The following KIRREL3 variants were observed in gnomAD, a reference collection of about 807,000 sequenced individuals.
The protein encoded by KIRREL3 is kin of IRRE-like protein 3.
Under a neutral mutation model 89.7 loss-of-function variants are expected in KIRREL3, and 36 were observed. That is an observed-to-expected ratio of 0.40 (90% CI 0.31 to 0.53). KIRREL3 has a LOEUF of 0.53. KIRREL3 is among the 20% of genes least tolerant of loss of function. The pLI is 0.49. For missense variants in KIRREL3, 864 were observed against 1,056.6 expected (o/e 0.82, Z 2.53); for synonymous variants, 445 against 441.4 (o/e 1.01, Z -0.10).
In KIRREL3 at chr11:126,909,235, G is replaced by A. The variant is rs1323497017; in HGVS notation, c.55+91220C>T. The stretch of plus-strand genomic sequence containing the variant: ...GGAAGGAATGGGGTCGGAGAGGGAG[G>A]AGTTCATGGGAGGTGTGGCACTAAA... On this transcript the variant is annotated intron_variant, in intron 1 of 16. Coordinates refer to ENST00000525144, the MANE Select transcript of KIRREL3 (RefSeq NM_032531.4). This position sits in a 1 kb window ranked among gnomAD's most constrained non-coding sequence, Gnocchi z 4.5. 6.6e-6 allele frequency among the ~76,000 whole-genome samples: 1 copy of A among 152,100 alleles called. No homozygotes were observed. The highest frequency in any genetic ancestry group is 1.5e-5 in the Non-Finnish European group (1 of 68,022).
Position 126,676,784 on chromosome 11 carries a change from AT to A in KIRREL3, c.56-113873del, listed in dbSNP as rs57731995. ...AACTTTTTATTTTTCTTTAGAGCTG[AT>A]TTTTTTTTTTTCCTTTTGAGACAGA... On this transcript the variant is annotated intron_variant, in intron 1 of 16. Coordinates refer to ENST00000525144, the MANE Select transcript of KIRREL3 (RefSeq NM_032531.4). This position sits in a 1 kb window ranked among gnomAD's most constrained non-coding sequence, Gnocchi z 4.5. Among the ~76,000 whole-genome samples the A allele has an allele frequency of 0.03, 4,260 of 144,136 alleles. 133 individuals are homozygous for A. The highest frequency in any genetic ancestry group is 0.067 in the African/African-American group (2,640 of 39,506). The allele number at this position is 144,136 out of a possible 152,430, so 94.6% of individuals were successfully genotyped here.
At chr11:126,839,537 C>T (rs137946505) in intron 1 of KIRREL3, among the ~76,000 whole-genome samples, 2,059 of 152,184 alleles carry the variant, frequency 0.014, 47 homozygotes, top group African/African-American at 0.047. Context: ...GAGGAAATGC[C>T]GCATTGGTTC....
chr11:126,793,398 C>T (rs749522974), intron 1 of KIRREL3, among the ~76,000 whole-genome samples: 7 of 152,172 alleles, frequency 4.6e-5, no homozygotes, highest in African/African-American at 2.4e-5. Flanking sequence ...TCCTTCAAAC[C>T]GCTCTTAGTT....
In KIRREL3 at chr11:126,752,773, AC is replaced by A. The variant is rs1397777766; in HGVS notation, c.56-189862del. ...CCCAAAGTGAAGAGCATGGAAAAAA[AC>A]AATTGGTTTTGCATGTTTCCTTGGG... On this transcript the variant is annotated intron_variant, in intron 1 of 16. Coordinates refer to ENST00000525144, the MANE Select transcript of KIRREL3 (RefSeq NM_032531.4). The surrounding 1 kb of genome is among the most constrained non-coding windows in gnomAD (Gnocchi z 4.8). Among the ~76,000 whole-genome samples, 2 of 152,192 alleles carry A rather than the reference AC, an allele frequency of 1.3e-5. No homozygotes were observed. The highest frequency in any genetic ancestry group is 2.9e-5 in the Non-Finnish European group (2 of 68,050).
intron 1 of KIRREL3, among the ~76,000 whole-genome samples, chr11:126,759,701 C>G (rs1378741968): frequency 6.6e-6 from 1 of 152,192 alleles, no homozygotes; most frequent in Admixed American, 6.5e-5. Context: ...CATAAAGAAG[C>G]CTGCTTATGA....
At chr11:126,681,216 G>A (rs563934916) in intron 1 of KIRREL3, among the ~76,000 whole-genome samples, 6 of 152,168 alleles carry the variant, frequency 3.9e-5, no homozygotes, top group African/African-American at 1.4e-4. Context: ...TCCCTAGATA[G>A]GCTGCCTAGG....
At position 126,817,414 on chromosome 11, in the gene KIRREL3, CTG is replaced by C. The variant is rs892199393; in HGVS notation, c.55+183039_55+183040del. Among the ~76,000 whole-genome samples the C allele has an allele frequency of 6.6e-6, 1 of 152,172 alleles. No individual in the cohort carries two copies. The highest frequency in any genetic ancestry group is 2.4e-5 in the African/African-American group (1 of 41,442). ...CATGCTGGCCATGGGATGCGAGTGA[CTG>C]AGGGCTTCAGCTTCCTCATTGTGGG... On this transcript the variant is annotated intron_variant, in intron 1 of 16. Transcript: ENST00000525144. This position sits in a 1 kb window ranked among gnomAD's most constrained non-coding sequence, Gnocchi z 5.7.
chr11:126,772,682 C>T lies in KIRREL3; in HGVS notation c.56-209770G>A, dbSNP rs1237482430. Among the ~76,000 whole-genome samples the T allele has an allele frequency of 6.6e-6, 1 of 152,242 alleles. No individual in the cohort carries two copies. Among genetic ancestry groups the T allele is most frequent in the Non-Finnish European group, 1.5e-5 (1 of 68,036 alleles). On this transcript the variant is annotated intron_variant, in intron 1 of 16. Transcript: ENST00000525144. This position sits in a 1 kb window ranked among gnomAD's most constrained non-coding sequence, Gnocchi z 4.6. ...CCTGGTACTCATGCCCACCCCCTAA[C>T]TGCCTCAGCCTTGAAAGCTCTGGAG... is the stretch of plus-strand genomic sequence containing the variant.
chr11:126,807,492 A>G lies in KIRREL3; in HGVS notation c.55+192963T>C, dbSNP rs1951239985. 6.6e-6 allele frequency among the ~76,000 whole-genome samples: 1 copy of G among 152,198 alleles called. No individual in the cohort carries two copies. ...TATTCAAATTTAAAAATCTGTTTCA[A>G]TATAAAAATATAAAAAGTCACCCCA... On this transcript the variant is annotated intron_variant, in intron 1 of 16. Coordinates refer to ENST00000525144, the MANE Select transcript of KIRREL3 (RefSeq NM_032531.4). The surrounding 1 kb of genome is among the most constrained non-coding windows in gnomAD (Gnocchi z 4.3).
intron 4 of KIRREL3, among the ~76,000 whole-genome samples, chr11:126,512,820 T>C (rs1026445043): frequency 6.6e-5 from 10 of 152,206 alleles, no homozygotes; most frequent in Non-Finnish European, 1.0e-4. Context: ...ATGCCTCTCA[T>C]GCCCCAACCC....
rs1718893164 is a variant in KIRREL3 at position 126,739,907 on chromosome 11, A to G, written c.56-176995T>C. Among the ~76,000 whole-genome samples, 2 of 152,174 alleles carry G rather than the reference A, an allele frequency of 1.3e-5. No individual in the cohort carries two copies. The highest frequency in any genetic ancestry group is 2.1e-4 in the South Asian group (1 of 4,824). ...TTGACACTGCACTTTGATCAGTTTG[A>G]CGGGTTTAGTATTATAGAAATATTT... On this transcript the variant is annotated intron_variant, in intron 1 of 16. Transcript: ENST00000525144. This position sits in a 1 kb window ranked among gnomAD's most constrained non-coding sequence, Gnocchi z 5.5.
At chr11:126,920,266 C>T (rs368723791) in intron 1 of KIRREL3, 2 of 152,488 alleles carry the variant, frequency 1.3e-5, no homozygotes, top group East Asian at 3.9e-4. Flanking sequence ...CCATAAATGC[C>T]TCTTTTGTCT....
intron 1 of KIRREL3, among the ~76,000 whole-genome samples, chr11:126,869,528 A>G (rs1362624624): frequency 6.6e-6 from 1 of 152,174 alleles, no homozygotes; most frequent in Non-Finnish European, 1.5e-5. Context: ...TATTTGGTGA[A>G]TAGATAAATT....
At chr11:126,435,000 G>T (rs929532921) in intron 13 of KIRREL3, among the ~76,000 whole-genome samples, 1 of 152,116 alleles carries the variant, frequency 6.6e-6, no homozygotes, top group Non-Finnish European at 1.5e-5. Flanking sequence ...GGAATGGAGC[G>T]GGGACGAGCA....
In KIRREL3 at chr11:126,953,490, G is replaced by T. The variant is rs1401133173; in HGVS notation, c.55+46965C>A. On this transcript the variant is annotated intron_variant, in intron 1 of 16. Transcript: ENST00000525144. The surrounding 1 kb of genome is among the most constrained non-coding windows in gnomAD (Gnocchi z 5.2). ...GAACTTAAAGTATATATATAAAAAA[G>T]AATAACTAGAGTTTTGTTCATCTTT... 6.6e-6 allele frequency among the ~76,000 whole-genome samples: 1 copy of T among 151,964 alleles called. No individual in the cohort carries two copies. Among genetic ancestry groups the T allele is most frequent in the Non-Finnish European group, 1.5e-5 (1 of 68,018 alleles).
intron 1 of KIRREL3, among the ~76,000 whole-genome samples, chr11:126,824,947 A>G (rs1943355091): frequency 6.6e-6 from 1 of 152,204 alleles, no homozygotes; most frequent in African/African-American, 2.4e-5. Flanking sequence ...TAGTGGACAA[A>G]TTGTGAGGGA....
chr11:126,842,780 A>C (rs1299651241), intron 1 of KIRREL3, among the ~76,000 whole-genome samples: 1 of 152,234 alleles, frequency 6.6e-6, no homozygotes, highest in Non-Finnish European at 1.5e-5. Context: ...ACTCACAGAA[A>C]GTGGACTGCC....
At chr11:126,625,126 A>T (rs1186527879) in intron 1 of KIRREL3, among the ~76,000 whole-genome samples, 2 of 152,106 alleles carry the variant, frequency 1.3e-5, no homozygotes, top group East Asian at 3.9e-4. Context: ...TCTAATCTTA[A>T]CAGCGTCTAC....
At chr11:126,509,991 CAAAAAAAAAAA>C (rs58061522) in intron 4 of KIRREL3, among the ~76,000 whole-genome samples, 3 of 62,062 alleles carry the variant, frequency 4.8e-5, no homozygotes, top group African/African-American at 1.3e-4. Flanking sequence ...GACTCCGTCT[CAAAAAAAAAAA>C]AAAAAAAAAA....
Sources: gnomAD v4.1 joint callset for allele counts (sites outside exome capture counted in the v4.1 genomes callset) on GRCh38, gnomAD v4.1.1 for gene constraint, Gnocchi (gnomAD v3.1) non-coding constraint, MANE v1.5 for transcripts, NCBI Gene and HGNC (gene_info 2026-07-23, HGNC 2026-07-21) for gene names.